The following AKAP10 variants were observed in gnomAD, a reference collection of about 807,000 sequenced individuals.
AKAP10 encodes the protein A-kinase anchoring protein 10, also known as A-kinase anchor protein 10, mitochondrial.
Under a neutral mutation model 80.8 loss-of-function variants are expected in AKAP10, and 24 were observed. The ratio of observed to expected loss-of-function variants is 0.30; its 90% confidence interval spans 0.22 to 0.42. AKAP10 has a LOEUF of 0.42. Ranked by LOEUF, AKAP10 falls within the 10% of genes least tolerant of loss-of-function variation. The pLI is 1.00. For missense variants in AKAP10, 661 were observed against 794.9 expected (o/e 0.83, Z 2.03); for synonymous variants, 291 against 277.7 (o/e 1.05, Z -0.48).
In AKAP10 at chr17:19,906,065, AT is replaced by A; in HGVS notation, c.*161del. On this transcript the variant is annotated 3_prime_UTR_variant, in exon 15 of 15. Coordinates refer to ENST00000225737, the MANE Select transcript of AKAP10 (RefSeq NM_007202.4). ...ATCAATTATGCCTACAGGTAACTGC[AT>A]TATGGTGGAAGTCTAGGATTGTCTC... 1 of 706,934 alleles carries A rather than the reference AT, an allele frequency of 1.4e-6. No homozygotes were observed. 43.8% of individuals were successfully genotyped at this position (706,934 alleles called of 1,614,324 possible). A position where few individuals can be genotyped will look rare whatever the true frequency, so the allele number is the denominator to read the frequency against.
chr17:19,977,111 G>A (rs897793430), intron 1 of AKAP10, among the ~76,000 whole-genome samples: 1 of 152,142 alleles, frequency 6.6e-6, no homozygotes, highest in Non-Finnish European at 1.5e-5. Context: ...TTTTATTTTA[G>A]TAACAGCAGT....
Position 19,977,664 on chromosome 17 carries a change from G to T in AKAP10, c.16C>A (p.Pro6Thr). 1 of 1,234,988 alleles carries T rather than the reference G, an allele frequency of 8.1e-7. No homozygotes were observed. 76.5% of individuals were successfully genotyped at this position (1,234,988 alleles called of 1,614,324 possible). The change falls in exon 1 of 15, where the codon CCC (proline) becomes ACC (threonine). Residue 6 changes from proline (P) to threonine (T), a missense_variant. Coordinates refer to ENST00000225737, the MANE Select transcript of AKAP10 (RefSeq NM_007202.4). MRGAGPSPRQSPRTLR... is the reference protein window; with the variant it reads MRGAGTSPRQSPRTLR... ...GTGCGGGGGGACTGGCGCGGGGAGG[G>T]CCCGGCTCCCCTCATTCAGCAACCG...
At chr17:19,935,734 C>A (rs2042985385) in intron 9 of AKAP10, among the ~76,000 whole-genome samples, 1 of 152,102 alleles carries the variant, frequency 6.6e-6, no homozygotes, top group Admixed American at 6.6e-5. Context: ...TCTTGTCCCA[C>A]TGGAAGGTCT....
intron 14 of AKAP10, among the ~76,000 whole-genome samples, chr17:19,908,321 C>T (rs1376748630): frequency 6.6e-6 from 1 of 152,200 alleles, no homozygotes; most frequent in Non-Finnish European, 1.5e-5. Context: ...TACTCTAGGA[C>T]TAATTTATCT....
intron 2 of AKAP10, among the ~76,000 whole-genome samples, chr17:19,963,495 G>A (rs2043378793): frequency 6.6e-6 from 1 of 152,130 alleles, no homozygotes; most frequent in East Asian, 1.9e-4. Context: ...AACAAAGCCA[G>A]AAAGCATTCT....
intron 14 of AKAP10, among the ~76,000 whole-genome samples, chr17:19,906,628 G>C (rs2042633941): frequency 6.6e-6 from 1 of 152,226 alleles, no homozygotes; most frequent in Non-Finnish European, 1.5e-5. Context: ...CCCTCCTGTA[G>C]TCACAGCACT....
intron 14 of AKAP10, among the ~76,000 whole-genome samples, chr17:19,908,732 C>G (rs1191784078): frequency 6.6e-6 from 1 of 151,128 alleles, no homozygotes; most frequent in Non-Finnish European, 1.5e-5. Context: ...CTCCGCCTCC[C>G]TGGTTCAAGC....
intron 11 of AKAP10, among the ~76,000 whole-genome samples, chr17:19,920,545 T>C (rs2042798688): frequency 6.6e-6 from 1 of 151,954 alleles, no homozygotes; most frequent in South Asian, 2.1e-4. Flanking sequence ...TAAAACAAAG[T>C]TAAAAAGCAA....
chr17:19,944,329 C>T (rs953834771), intron 5 of AKAP10, among the ~76,000 whole-genome samples: 1 of 152,146 alleles, frequency 6.6e-6, no homozygotes, highest in Non-Finnish European at 1.5e-5. Context: ...GCTGTGTGGA[C>T]TGCATGTTTA....
intron 2 of AKAP10, 105 bp downstream of exon 2, chr17:19,968,309 C>A: frequency 3.7e-6 from 3 of 815,322 alleles, no homozygotes; most frequent in Non-Finnish European, 3.9e-6. Context: ...TAAAATAAGG[C>A]AGAAATGATT....
rs2042952809 is a variant in AKAP10, at chr17:19,932,939, ACAAG to A, written c.1468-965_1468-962del. Among the ~76,000 whole-genome samples, 3 of 152,236 alleles carry A rather than the reference ACAAG, an allele frequency of 2.0e-5. No homozygotes were observed. In the South Asian group the frequency reaches 6.2e-4, roughly 32 times the overall value. On this transcript the variant is annotated intron_variant, in intron 9 of 14. Transcript: ENST00000225737. ...CTACGAAGGAAAAGTTTGTAACTGG[ACAAG>A]CAAATAATAAACATGAGAACTTATT... is the stretch of plus-strand genomic sequence containing the variant.
chr17:19,943,991 T>A (rs904162363), intron 5 of AKAP10, among the ~76,000 whole-genome samples: 1 of 152,076 alleles, frequency 6.6e-6, no homozygotes, highest in Non-Finnish European at 1.5e-5. Context: ...AAACTGAGTT[T>A]TTTTTTTTTC....
intron 1 of AKAP10, among the ~76,000 whole-genome samples, chr17:19,969,110 A>G (rs147712098): frequency 0.022 from 3,347 of 152,266 alleles, 56 homozygotes; most frequent in Admixed American, 0.043. Flanking sequence ...TTGGGATGCC[A>G]AGGCGGGTGG....
At chr17:19,929,999 C>CAAAAAAAAAAAAAAAAAAAAAACA (rs11365343) in intron 10 of AKAP10, among the ~76,000 whole-genome samples, 2 of 81,846 alleles carry the variant, frequency 2.4e-5, no homozygotes, top group Non-Finnish European at 5.1e-5. Flanking sequence ...CAACAAAAAC[C>CAAAAAAAAAAAAAAAAAAAAAACA]AAAAAAAAAA....
chr17:19,931,654 G>A, intron 10 of AKAP10, 151 bp downstream of exon 10: 1 of 881,938 alleles, frequency 1.1e-6, no homozygotes, highest in Non-Finnish European at 1.6e-6. Context: ...GCCTCCCAAA[G>A]TGCTGGGATT....
At chr17:19,909,473 C>G (rs905751511) in intron 13 of AKAP10, among the ~76,000 whole-genome samples, 197 bp from the exon 14 acceptor site, 4 of 152,220 alleles carry the variant, frequency 2.6e-5, no homozygotes, top group Admixed American at 2.0e-4. Context: ...CTTCCAGTGT[C>G]AACTACTGGA....
chr17:19,932,776 A>C (rs1371442773), intron 9 of AKAP10, among the ~76,000 whole-genome samples: 1 of 152,118 alleles, frequency 6.6e-6, no homozygotes, highest in Non-Finnish European at 1.5e-5. Flanking sequence ...AATATATCAA[A>C]ATATCTGTTT....
Position 19,972,880 on chromosome 17 carries a change from G to A in AKAP10, c.89-4419C>T, listed in dbSNP as rs150724774. On this transcript the variant is annotated intron_variant, in intron 1 of 14. Coordinates refer to ENST00000225737, the MANE Select transcript of AKAP10 (RefSeq NM_007202.4). ...GTTCCCCCTACCTGTTCTTCTACATGACTTCAAGTTTTGTTTTTTTAACAT... is the reference window on the plus strand; with the variant it reads ...GTTCCCCCTACCTGTTCTTCTACATAACTTCAAGTTTTGTTTTTTTAACAT... Among the ~76,000 whole-genome samples the A allele has an allele frequency of 4.7e-3, 712 of 152,226 alleles. 1 individual carries two copies. The highest frequency in any genetic ancestry group is 8.4e-3 in the Non-Finnish European group (568 of 68,020).
intron 12 of AKAP10, among the ~76,000 whole-genome samples, chr17:19,917,559 T>C (rs1233538994): frequency 6.6e-6 from 1 of 152,088 alleles, no homozygotes; most frequent in African/African-American, 2.4e-5. Context: ...AGCCGCAGCC[T>C]CACCCTCCTG....
Sources: allele counts gnomAD v4.1 joint callset (sites outside exome capture counted in the v4.1 genomes callset), GRCh38; gene constraint gnomAD v4.1.1; transcripts MANE v1.5; gene names NCBI Gene and HGNC (gene_info 2026-07-23, HGNC 2026-07-21).